The following ERP44 variants were observed in gnomAD, a reference collection of about 807,000 sequenced individuals.
ERP44 encodes endoplasmic reticulum protein 44.
ERP44 carries 25 observed loss-of-function variants against 53.4 expected under a neutral mutation model. The observed-to-expected ratio is 0.47, with a 90% CI of 0.34 to 0.65. The LOEUF (loss-of-function observed/expected upper bound fraction) is 0.65. ERP44 is among the 30% of genes least tolerant of loss of function. The pLI is 0.01. For synonymous variants in ERP44, 145 were observed against 161.2 expected (o/e 0.90, Z 0.76); for missense variants, 338 against 493.2 (o/e 0.69, Z 2.98).
intron 9 of ERP44, among the ~76,000 whole-genome samples, chr9:100,006,872 G>A (rs1201125327): frequency 6.6e-6 from 1 of 152,142 alleles, no homozygotes; most frequent in Admixed American, 6.5e-5. Flanking sequence ...TATTGACTTA[G>A]TGCAAATTTG....
chr9:100,030,036 C>T (rs1242609221), intron 4 of ERP44, among the ~76,000 whole-genome samples: 4 of 152,052 alleles, frequency 2.6e-5, no homozygotes, highest in Admixed American at 6.5e-5. Context: ...TGCAGTAAGC[C>T]GAGATCATGC....
At chr9:100,089,360 C>CT (rs1826522796) in intron 1 of ERP44, among the ~76,000 whole-genome samples, 1 of 152,056 alleles carries the variant, frequency 6.6e-6, no homozygotes, top group Non-Finnish European at 1.5e-5. Flanking sequence ...GCAGGCGGAT[C>CT]ACCTTAGGTC....
chr9:100,063,073 C>CAAAAAAAAAAAA (rs1338228288), intron 1 of ERP44, among the ~76,000 whole-genome samples: 1 of 14,754 alleles, frequency 6.8e-5, no homozygotes, highest in Non-Finnish European at 9.3e-5. Flanking sequence ...GACCCTGTCT[C>CAAAAAAAAAAAA]ACAAAAAAAA....
At position 99,985,659 on chromosome 9, in the gene ERP44, G is replaced by C. The variant is rs7857530; in HGVS notation, c.1017-590C>G. 3.3e-5 allele frequency among the ~76,000 whole-genome samples: 5 copies of C among 152,112 alleles called. No individual in the cohort carries two copies. The East Asian group carries it at 9.7e-4, about 29-fold the overall frequency. On this transcript the variant is annotated intron_variant, in intron 10 of 11. Coordinates refer to ENST00000262455, the MANE Select transcript of ERP44 (RefSeq NM_015051.3). ...TCCTTAAGGGCCTTCACTAGACAGTGAAACCAATTTCATCAAATTAACCTG... is the reference window on the plus strand; with the variant it reads ...TCCTTAAGGGCCTTCACTAGACAGTCAAACCAATTTCATCAAATTAACCTG...
intron 1 of ERP44, among the ~76,000 whole-genome samples, chr9:100,078,545 G>A (rs998291656): frequency 6.9e-6 from 1 of 144,818 alleles, no homozygotes; most frequent in Non-Finnish European, 1.5e-5. Context: ...GCCTGAGGCT[G>A]GGAGTTCAAG....
chr9:100,001,543 T>C (rs1830378097), intron 10 of ERP44, among the ~76,000 whole-genome samples: 1 of 152,196 alleles, frequency 6.6e-6, no homozygotes, highest in South Asian at 2.1e-4. Flanking sequence ...TATTTGTAAT[T>C]ATTATATCCT....
chr9:100,083,091 G>A (rs887882050), intron 1 of ERP44, among the ~76,000 whole-genome samples: 1 of 150,968 alleles, frequency 6.6e-6, no homozygotes, highest in African/African-American at 2.4e-5. Context: ...AAAGAGAAAA[G>A]AAACTGAGAA....
intron 4 of ERP44, among the ~76,000 whole-genome samples, chr9:100,034,455 A>C (rs1825828479): frequency 6.6e-6 from 1 of 152,186 alleles, no homozygotes; most frequent in African/African-American, 2.4e-5. Context: ...GCATATAATA[A>C]AGAAGTAACC....
At chr9:100,077,205 G>A (rs542559095) in intron 1 of ERP44, among the ~76,000 whole-genome samples, 3 of 152,308 alleles carry the variant, frequency 2.0e-5, no homozygotes, top group South Asian at 2.1e-4. Flanking sequence ...GTGGACTCGA[G>A]GCATGCCTTA....
chr9:100,035,251 G>A (rs774562381), intron 4 of ERP44, among the ~76,000 whole-genome samples: 4 of 152,108 alleles, frequency 2.6e-5, no homozygotes, highest in Admixed American at 1.3e-4. Context: ...AAGAGCCTCT[G>A]AACTGCAAGA....
At chr9:100,033,194 C>T (rs139112629) in intron 4 of ERP44, among the ~76,000 whole-genome samples, 1 of 152,296 alleles carries the variant, frequency 6.6e-6, no homozygotes, top group East Asian at 1.9e-4. Flanking sequence ...TGCATCATGA[C>T]ACAATTGGAA....
intron 8 of ERP44, among the ~76,000 whole-genome samples, chr9:100,008,602 T>C (rs2209082): frequency 0.47 from 70,807 of 152,014 alleles, 17,817 homozygotes; most frequent in East Asian, 0.9. Context: ...TGTCCTTTAT[T>C]TTTTAAAAAA....
At position 99,982,416 on chromosome 9, in the gene ERP44, G is replaced by GT. The variant is rs34197217; in HGVS notation, c.*195dup. Reference sequence around the variant, plus strand: ...GATTTTTATTTTTAAATCCTAGCAGGTTTTTTTTTTTTAAGAGGCTACTAT... The same window carrying GT: ...GATTTTTATTTTTAAATCCTAGCAGGTTTTTTTTTTTTTAAGAGGCTACTAT... On this transcript the variant is annotated 3_prime_UTR_variant, in exon 12 of 12. Coordinates refer to ENST00000262455, the MANE Select transcript of ERP44 (RefSeq NM_015051.3). 0.36 allele frequency: 80,766 copies of GT among 223,970 alleles called. 10,358 individuals carry two copies. Among genetic ancestry groups the GT allele is most frequent in the Non-Finnish European group, 0.43 (51,401 of 119,590 alleles). 13.9% of individuals were successfully genotyped at this position (223,970 alleles called of 1,614,324 possible).
At chr9:100,063,680 T>G (rs974793922) in intron 1 of ERP44, among the ~76,000 whole-genome samples, 4 of 152,224 alleles carry the variant, frequency 2.6e-5, no homozygotes, top group African/African-American at 4.8e-5. Flanking sequence ...TAGATCTTAA[T>G]AGTCATGAAG....
At chr9:100,073,634 C>T (rs1179916973) in intron 1 of ERP44, among the ~76,000 whole-genome samples, 1 of 152,314 alleles carries the variant, frequency 6.6e-6, no homozygotes, top group South Asian at 2.1e-4. Context: ...AAAATCATTA[C>T]TGGACTAAAA....
At chr9:100,022,328 G>A (rs369704717) in intron 4 of ERP44, 102 bp from the exon 5 acceptor site, 15 of 833,078 alleles carry the variant, frequency 1.8e-5, no homozygotes, top group African/African-American at 1.6e-4. Flanking sequence ...GAACTTTTTG[G>A]TTCAAGTCAT....
intron 1 of ERP44, among the ~76,000 whole-genome samples, chr9:100,073,104 A>G (rs1418046714): frequency 2.6e-5 from 4 of 152,338 alleles, no homozygotes; most frequent in Admixed American, 2.6e-4. Context: ...ATCTGGTAAC[A>G]GTTCATTTCA....
intron 4 of ERP44, among the ~76,000 whole-genome samples, chr9:100,032,269 C>T (rs1825800399): frequency 6.6e-6 from 1 of 152,110 alleles, no homozygotes; most frequent in Non-Finnish European, 1.5e-5. Flanking sequence ...GCCAGTAATC[C>T]AATTAAAAAA....
chr9:99,996,358 T>C (rs1281750695), intron 10 of ERP44, among the ~76,000 whole-genome samples: 1 of 152,202 alleles, frequency 6.6e-6, no homozygotes, highest in African/African-American at 2.4e-5. Context: ...CCACTTTTAC[T>C]TTCTCTGCCA....
Sources: allele counts gnomAD v4.1 joint callset (sites outside exome capture counted in the v4.1 genomes callset), GRCh38; gene constraint gnomAD v4.1.1; transcripts MANE v1.5; gene names NCBI Gene and HGNC (gene_info 2026-07-23, HGNC 2026-07-21).